Variants in GRIK2 observed in about 807,000 individuals in gnomAD.
The protein encoded by GRIK2 is glutamate ionotropic receptor kainate type subunit 2, also known as glutamate receptor ionotropic, kainate 2.
In GRIK2, 32 loss-of-function variants were observed where a neutral mutation model predicts 100.3. The ratio of observed to expected loss-of-function variants is 0.32; its 90% CI spans 0.24 to 0.43. The LOEUF is 0.43. Ranked by LOEUF, GRIK2 falls within the 20% of genes least tolerant of loss-of-function variation. GRIK2 has a pLI of 1.00. For synonymous variants in GRIK2, 417 were observed against 389.4 expected (o/e 1.07, Z -0.83); for missense variants, 843 against 1,114.9 (o/e 0.76, Z 3.47).
chr6:102,053,158 C>G (rs1052589397), intron 15 of GRIK2, among the ~76,000 whole-genome samples: 3 of 151,674 alleles, frequency 2.0e-5, no homozygotes, highest in Admixed American at 6.6e-5. Context: ...TTTTGATAAC[C>G]AGGTGTGGCC....
chr6:101,630,142 T>A (rs1421179161), intron 4 of GRIK2, among the ~76,000 whole-genome samples: 3 of 152,140 alleles, frequency 2.0e-5, no homozygotes, highest in Non-Finnish European at 4.4e-5. Context: ...TGATTCCATG[T>A]CTTTGCTGTT....
chr6:101,652,111 G>A (rs996095731), intron 4 of GRIK2, among the ~76,000 whole-genome samples: 2 of 152,138 alleles, frequency 1.3e-5, no homozygotes, highest in African/African-American at 4.8e-5. Flanking sequence ...GTGGAGTGAT[G>A]GAGGTTAAAA....
intron 12 of GRIK2, among the ~76,000 whole-genome samples, chr6:101,907,010 A>G (rs1788278301): frequency 6.6e-6 from 1 of 151,736 alleles, no homozygotes; most frequent in African/African-American, 2.4e-5. Flanking sequence ...TTTTGCTAAC[A>G]GTTTCTCAGA....
At chr6:101,831,893 T>C (rs1284100251) in intron 10 of GRIK2, among the ~76,000 whole-genome samples, 1 of 152,112 alleles carries the variant, frequency 6.6e-6, no homozygotes, top group Admixed American at 6.6e-5. Flanking sequence ...TTAAAAAATT[T>C]AACTGAGAAC....
chr6:101,441,974 A>G (rs1770092050), intron 2 of GRIK2, among the ~76,000 whole-genome samples: 1 of 152,068 alleles, frequency 6.6e-6, no homozygotes, highest in Non-Finnish European at 1.5e-5. Flanking sequence ...AAAAAAAAAA[A>G]AAGGGGTGAA....
intron 2 of GRIK2, among the ~76,000 whole-genome samples, chr6:101,427,398 A>G (rs1035907123): frequency 3.9e-5 from 6 of 152,154 alleles, no homozygotes; most frequent in Admixed American, 2.6e-4. Flanking sequence ...TTCCCTTTTC[A>G]TAGTTAACTT....
chr6:101,913,559 T>G (rs1788897501), intron 12 of GRIK2, among the ~76,000 whole-genome samples: 1 of 151,566 alleles, frequency 6.6e-6, no homozygotes, highest in South Asian at 2.1e-4. Flanking sequence ...GGCTTTAACA[T>G]ATGAAAATGA....
intron 2 of GRIK2, among the ~76,000 whole-genome samples, chr6:101,545,442 T>C (rs1045245133): frequency 3.9e-5 from 6 of 152,218 alleles, no homozygotes; most frequent in African/African-American, 1.2e-4. Context: ...TGGGAGTCTG[T>C]TTTCTCTTTT....
intron 2 of GRIK2, among the ~76,000 whole-genome samples, chr6:101,470,888 A>G (rs938917340): frequency 6.6e-6 from 1 of 152,190 alleles, no homozygotes; most frequent in African/African-American, 2.4e-5. Context: ...TATACATTTG[A>G]AAACATTTAG....
At chr6:101,500,131 T>A (rs1773671691) in intron 2 of GRIK2, among the ~76,000 whole-genome samples, 2 of 152,202 alleles carry the variant, frequency 1.3e-5, no homozygotes, top group South Asian at 4.1e-4. Context: ...TAATGGTAAA[T>A]TCTGGATTAA....
chr6:101,764,157 C>T (rs1455783846), intron 7 of GRIK2, among the ~76,000 whole-genome samples: 1 of 152,112 alleles, frequency 6.6e-6, no homozygotes, highest in Non-Finnish European at 1.5e-5. Flanking sequence ...GCTATCTTCT[C>T]TCAATTTACC....
chr6:101,563,037 A>G (rs1379697028), intron 2 of GRIK2, among the ~76,000 whole-genome samples: 23 of 152,198 alleles, frequency 1.5e-4, no homozygotes, highest in Non-Finnish European at 1.5e-5. Flanking sequence ...TATGTTTGAT[A>G]GGGCAGCTGC....
At chr6:101,502,803 T>C (rs1167585440) in intron 2 of GRIK2, among the ~76,000 whole-genome samples, 1 of 152,166 alleles carries the variant, frequency 6.6e-6, no homozygotes, top group Non-Finnish European at 1.5e-5. Context: ...CTTTCTACTA[T>C]TATTAATCCC....
At chr6:101,464,471 A>G (rs1749667087) in intron 2 of GRIK2, among the ~76,000 whole-genome samples, 1 of 129,896 alleles carries the variant, frequency 7.7e-6, no homozygotes, top group South Asian at 2.6e-4. Context: ...GTGCTTCATT[A>G]TAATTTTTAC....
At chr6:101,795,112 C>A (rs947096120) in intron 7 of GRIK2, among the ~76,000 whole-genome samples, 1 of 152,074 alleles carries the variant, frequency 6.6e-6, no homozygotes, top group African/African-American at 2.4e-5. Context: ...GGTGATCCAT[C>A]CACCTCGGCC....
intron 2 of GRIK2, among the ~76,000 whole-genome samples, chr6:101,472,327 T>C (rs1771987639): frequency 1.3e-5 from 2 of 151,810 alleles, no homozygotes; most frequent in African/African-American, 4.8e-5. Flanking sequence ...TGTAGAGATA[T>C]AATACCGTTT....
intron 2 of GRIK2, among the ~76,000 whole-genome samples, chr6:101,429,348 A>T (rs1582430528): frequency 6.6e-6 from 1 of 152,186 alleles, no homozygotes; most frequent in Admixed American, 6.5e-5. Flanking sequence ...TTTCATTAAC[A>T]CTTAACTAGA....
intron 2 of GRIK2, among the ~76,000 whole-genome samples, chr6:101,454,840 A>G (rs1219720043): frequency 2.0e-5 from 3 of 152,116 alleles, no homozygotes; most frequent in Non-Finnish European, 4.4e-5. Context: ...ACTTAAGCTT[A>G]TTGGTATAAG....
intron 1 of GRIK2, among the ~76,000 whole-genome samples, chr6:101,397,201 G>C (rs2128234854): frequency 1.3e-5 from 2 of 152,170 alleles, no homozygotes; most frequent in South Asian, 4.1e-4. Flanking sequence ...GCTATTTTCA[G>C]GTAGTAGATA....
Sources: allele counts gnomAD v4.1 joint callset (sites outside exome capture counted in the v4.1 genomes callset), GRCh38; gene constraint gnomAD v4.1.1; transcripts MANE v1.5; gene names NCBI Gene and HGNC (gene_info 2026-07-23, HGNC 2026-07-21).